Variants in ENPP1 observed in about 807,000 individuals in gnomAD.
The protein encoded by ENPP1 is ectonucleotide pyrophosphatase/phosphodiesterase family member 1.
In ENPP1, 73 loss-of-function variants were observed where a neutral mutation model predicts 122.8. That is an observed-to-expected ratio of 0.59 (90% CI 0.49 to 0.72). ENPP1 has a LOEUF of 0.72. Among genes scored for constraint, ENPP1 ranks in the 30% least tolerant of loss-of-function variants. ENPP1 has a pLI of 0.00. For synonymous variants in ENPP1, 367 were observed against 391.6 expected, an observed-to-expected ratio of 0.94 and a Z score of 0.74; for missense variants, 978 against 1,128.1, an observed-to-expected ratio of 0.87 and a Z score of 1.91.
intron 1 of ENPP1, among the ~76,000 whole-genome samples, chr6:131,809,579 A>G (rs1781323082): frequency 6.6e-6 from 1 of 152,342 alleles, no homozygotes; most frequent in East Asian, 1.9e-4. Context: ...GTCACCTTTT[A>G]AAAATTTTGT....
intron 1 of ENPP1, among the ~76,000 whole-genome samples, chr6:131,844,508 GC>G (rs1303032738): frequency 6.6e-6 from 1 of 152,160 alleles, no homozygotes; most frequent in Non-Finnish European, 1.5e-5. Flanking sequence ...TTGTGTTGTT[GC>G]TTTGCCTCTC....
intron 3 of ENPP1, among the ~76,000 whole-genome samples, chr6:131,850,785 T>A (rs1007804418): frequency 2.6e-5 from 4 of 152,118 alleles, no homozygotes; most frequent in African/African-American, 9.7e-5. Flanking sequence ...CCCAGGTTGA[T>A]CCCAAACTCC....
rs2114706595 is a variant in ENPP1, at chr6:131,864,558, C to T, written c.1078C>T (p.Pro360Ser). The stretch of plus-strand genomic sequence containing the variant: ...AGCTGTTCTTCAGTGGCTACAGCTT[C>T]CTAAAGATGAAAGGTCTGTAGGCAA... ...ILAVLQWLQLPKDERPHFYTL... is the reference protein window; with the variant it reads ...ILAVLQWLQLSKDERPHFYTL... Residue 360 changes from proline (P) to serine (S), a missense_variant, in exon 10 of 25, where the codon CCT (proline) becomes TCT (serine). Transcript: ENST00000647893. 1 of 1,606,992 alleles carries T rather than the reference C, an allele frequency of 6.2e-7. No homozygotes were observed. Among genetic ancestry groups the T allele is most frequent in the South Asian group, 1.1e-5 (1 of 90,900 alleles).
At chr6:131,874,482 T>G in intron 16 of ENPP1, 145 bp downstream of exon 16, 1 of 612,248 alleles carries the variant, frequency 1.6e-6, no homozygotes, top group Non-Finnish European at 2.9e-6. Context: ...TCTTTGAACA[T>G]TAAAGAATTT....
intron 1 of ENPP1, chr6:131,820,239 A>T (rs1185042009): frequency 2.8e-5 from 5 of 179,868 alleles, no homozygotes; most frequent in African/African-American, 9.5e-5. Context: ...GTATAATGGG[A>T]TCCTGATAAG....
chr6:131,832,631 C>T (rs1414856345), intron 1 of ENPP1, among the ~76,000 whole-genome samples: 1 of 152,166 alleles, frequency 6.6e-6, no homozygotes, highest in Admixed American at 6.5e-5. Flanking sequence ...CAGGAGTCCA[C>T]GAAAGGCTTG....
intron 11 of ENPP1, 69 bp from the exon 12 acceptor site, chr6:131,867,944 ACAGAG>A: frequency 1.0e-6 from 1 of 964,656 alleles, no homozygotes; most frequent in East Asian, 2.4e-5. Flanking sequence ...TTTTTTTTTA[ACAGAG>A]ATAGCTTTAT....
chr6:131,870,137 A>C (rs2114712494), intron 13 of ENPP1, among the ~76,000 whole-genome samples: 1 of 152,250 alleles, frequency 6.6e-6, no homozygotes, highest in East Asian at 1.9e-4. Flanking sequence ...AGAGAAATCC[A>C]ACTACATTTA....
chr6:131,866,575 C>CT (rs1226126129), intron 11 of ENPP1, among the ~76,000 whole-genome samples: 1 of 152,166 alleles, frequency 6.6e-6, no homozygotes, highest in Non-Finnish European at 1.5e-5. Flanking sequence ...GCTTGGATCA[C>CT]TATCACCTTG....
rs778193907 is a variant in ENPP1, at chr6:131,850,032, A to G, written c.356A>G (p.Asn119Ser). The change falls in exon 3 of 25, where the codon AAC becomes AGC. Residue 119 changes from asparagine (N) to serine (S), a missense_variant. This residue lies in a region of ENPP1 where 330 missense variants were observed against 328.5 expected (regional missense o/e 1.00). Coordinates refer to ENST00000647893, the MANE Select transcript of ENPP1 (RefSeq NM_006208.3). ...CGCTGTTTCGAGAGAACATTTGGGA[A>G]CTGTCGCTGTGATGCTGCCTGTGTT... ...KGRCFERTFG[N>S]CRCDAACVEL... 1.2e-6 allele frequency: 2 copies of G among 1,614,100 alleles called. No individual in the cohort carries two copies. The highest frequency in any genetic ancestry group is 1.7e-6 in the Non-Finnish European group (2 of 1,179,980).
intron 1 of ENPP1, among the ~76,000 whole-genome samples, chr6:131,834,595 A>C (rs1252566389): frequency 6.9e-6 from 1 of 145,490 alleles, no homozygotes; most frequent in East Asian, 2.0e-4. Flanking sequence ...CAGTGGCGTG[A>C]TCTCAGCCCA....
At chr6:131,839,558 T>G (rs1781715716) in intron 1 of ENPP1, among the ~76,000 whole-genome samples, 1 of 152,190 alleles carries the variant, frequency 6.6e-6, no homozygotes, top group African/African-American at 2.4e-5. Context: ...AATACCCACA[T>G]TAGTCCTGTG....
chr6:131,860,259 T>C, intron 7 of ENPP1, 128 bp from the exon 8 acceptor site: 1 of 748,966 alleles, frequency 1.3e-6, no homozygotes, highest in Non-Finnish European at 2.2e-6. Context: ...TTTTTGTTTT[T>C]CTTTCCTTAA....
chr6:131,887,442 G>T, intron 24 of ENPP1, among the ~76,000 whole-genome samples: 1 of 151,556 alleles, frequency 6.6e-6, no homozygotes, highest in East Asian at 1.9e-4. Context: ...TCCCAGGCTG[G>T]AGTGCAGTGG....
chr6:131,846,710 A>G (rs1319830984), intron 1 of ENPP1, among the ~76,000 whole-genome samples: 1 of 152,200 alleles, frequency 6.6e-6, no homozygotes, highest in African/African-American at 2.4e-5. Context: ...AGTGTATAAC[A>G]GTCTTTGCGC....
At chr6:131,868,267 A>T (rs1280288565) in intron 12 of ENPP1, 141 bp downstream of exon 12, 2 of 634,924 alleles carry the variant, frequency 3.1e-6, no homozygotes, top group Admixed American at 2.6e-5. Flanking sequence ...TAGGAAAAAA[A>T]TACATTAAAT....
intron 23 of ENPP1, among the ~76,000 whole-genome samples, chr6:131,886,317 A>T (rs34191991): frequency 9.4e-4 from 143 of 152,340 alleles, no homozygotes; most frequent in Non-Finnish European, 1.6e-3. Flanking sequence ...AACTAAAAGA[A>T]TTCTAAAAGT....
At chr6:131,808,594 A>G (rs1781311520) in intron 1 of ENPP1, among the ~76,000 whole-genome samples, 1 of 152,184 alleles carries the variant, frequency 6.6e-6, no homozygotes, top group Non-Finnish European at 1.5e-5. Context: ...TAGAGGAGAA[A>G]AATGTCAAAC....
At chr6:131,820,992 G>A (rs1408450525) in intron 1 of ENPP1, among the ~76,000 whole-genome samples, 1 of 152,198 alleles carries the variant, frequency 6.6e-6, no homozygotes, top group African/African-American at 2.4e-5. Context: ...CCCTGAATAA[G>A]TGGTTTTTTC....
Sources: gnomAD v4.1 joint callset for allele counts (sites outside exome capture counted in the v4.1 genomes callset) on GRCh38, gnomAD v4.1.1 for gene constraint, gnomAD v4.1.1 regional missense constraint, MANE v1.5 for transcripts, NCBI Gene and HGNC (gene_info 2026-07-23, HGNC 2026-07-21) for gene names.